WNK1: variants seen among roughly 807,000 people sequenced by gnomAD.
The protein encoded by WNK1 is WNK lysine deficient protein kinase 1.
WNK1 carries 38 observed loss-of-function variants against 222.8 expected under a neutral mutation model. The observed-to-expected ratio is 0.17, with a 90% CI of 0.13 to 0.22. The LOEUF is 0.22. Ranked by LOEUF, WNK1 falls within the 10% of genes least tolerant of loss-of-function variation. The pLI is 1.00. For missense variants in WNK1, 2,348 were observed against 2,918.4 expected (o/e 0.80, Z 4.50); for synonymous variants, 1,090 against 1,092.9 (o/e 1.00, Z 0.05).
rs1168336862 is a variant in WNK1 at position 896,928 on chromosome 12, ACACACACACACG to A, written c.6245+197_6245+208del. ...CACACACACACACACACACACACAC[ACACACACACACG>A]ATTCCCAACCACTGACTCACAGGCA... On this transcript the variant is annotated intron_variant, in intron 24 of 27. Transcript: ENST00000315939. Among the ~76,000 whole-genome samples, 430 of 86,672 alleles carry A rather than the reference ACACACACACACG, an allele frequency of 5.0e-3. 8 individuals carry two copies. Among genetic ancestry groups the A allele is most frequent in the African/African-American group, 0.018 (409 of 23,040 alleles). The allele number at this position is 86,672 out of a possible 152,430, so 56.9% of individuals were successfully genotyped here. A position where few individuals can be genotyped will look rare whatever the true frequency, so the allele number is the denominator to read the frequency against.
chr12:794,917 A>G (rs1945163801), intron 1 of WNK1, among the ~76,000 whole-genome samples: 1 of 151,936 alleles, frequency 6.6e-6, no homozygotes, highest in South Asian at 2.1e-4. Context: ...GTGCCTGGCT[A>G]ATTTTTTTAA....
intron 14 of WNK1, 121 bp downstream of exon 14, chr12:882,194 A>G (rs1331128500): frequency 8.3e-7 from 1 of 1,202,974 alleles, no homozygotes; most frequent in East Asian, 2.6e-5. Context: ...TCTGTGTGTG[A>G]CAGATAATTT....
chr12:767,790 AAG>A (rs1430897220), intron 1 of WNK1, among the ~76,000 whole-genome samples: 2 of 152,068 alleles, frequency 1.3e-5, no homozygotes, highest in African/African-American at 4.8e-5. Context: ...TGTTTACCAG[AAG>A]AGTTTTTGGC....
In WNK1 at chr12:753,910, T is replaced by C; in HGVS notation, c.345T>C (p.Ala115=). The change falls in exon 1 of 28, where the codon GCT becomes GCC. Residue 115 remains alanine, a synonymous_variant. Coordinates refer to ENST00000315939, the MANE Select transcript of WNK1 (RefSeq NM_018979.4). This position sits in a 1 kb window ranked among gnomAD's most constrained non-coding sequence, Gnocchi z 5.2. ...TCCCCGCGGCTGTCCCGCAGAGTGC[T>C]CCACCGGAGCCCCACCGGGAAGAGA... The part of the protein sequence containing the change: ...PSIPAAVPQS[A]PPEPHREETV... 2 of 1,610,166 alleles carry C rather than the reference T, an allele frequency of 1.2e-6. No homozygotes were observed. Among genetic ancestry groups the C allele is most frequent in the Non-Finnish European group, 1.7e-6 (2 of 1,178,834 alleles).
chr12:764,873 T>C (rs1941489316), intron 1 of WNK1, among the ~76,000 whole-genome samples: 1 of 147,662 alleles, frequency 6.8e-6, no homozygotes, highest in South Asian at 2.2e-4. Context: ...TATTTCGCTC[T>C]TGCCACCCAG....
At chr12:851,685 C>T (rs1950430826) in intron 4 of WNK1, 1 of 1,323,336 alleles carries the variant, frequency 7.6e-7, no homozygotes, top group South Asian at 1.2e-5. Context: ...TCTGTTTTGC[C>T]TTTTCTGATG....
intron 9 of WNK1, among the ~76,000 whole-genome samples, chr12:872,100 A>G (rs1370770371): frequency 6.6e-6 from 1 of 152,060 alleles, no homozygotes; most frequent in African/African-American, 2.4e-5. Flanking sequence ...ACCTAAGAAC[A>G]ATTACTTCAA....
intron 2 of WNK1, among the ~76,000 whole-genome samples, chr12:824,216 CTTTT>C (rs1207566592): frequency 7.9e-6 from 1 of 126,116 alleles, no homozygotes. Flanking sequence ...GCAGAGACAT[CTTTT>C]TTTTTTTTTT....
intron 23 of WNK1, among the ~76,000 whole-genome samples, chr12:894,955 T>C (rs1449384312): frequency 6.6e-6 from 1 of 152,242 alleles, no homozygotes; most frequent in African/African-American, 2.4e-5. Flanking sequence ...CCATTTCTCC[T>C]GTTCCAAATG....
intron 8 of WNK1, chr12:865,009 G>A (rs1269645573): frequency 2.2e-6 from 3 of 1,394,548 alleles, no homozygotes; most frequent in Non-Finnish European, 2.8e-6. Flanking sequence ...GGAGAGGATG[G>A]AACATTTCTT....
At chr12:844,151 A>G (rs1001584145) in intron 4 of WNK1, among the ~76,000 whole-genome samples, 2 of 148,940 alleles carry the variant, frequency 1.3e-5, no homozygotes, top group African/African-American at 2.5e-5. Context: ...TTTTTTTTTG[A>G]GACGGGGTCT....
chr12:851,842 G>T, intron 4 of WNK1: 1 of 1,217,430 alleles, frequency 8.2e-7, no homozygotes, highest in Non-Finnish European at 1.1e-6. Flanking sequence ...GGTGATATTG[G>T]TAGAAAGTTT....
chr12:878,254 C>G lies in WNK1; in HGVS notation c.2266C>G (p.Gln756Glu), dbSNP rs768622577. The part of the protein sequence containing the change: ...QQTAPPQQTV[Q>E]YSLSQTSTSS... ...GACAGCCCCTCCTCAACAGACAGTG[C>G]AGTATTCACTTTCACAGACATCAAC... Residue 756 changes from glutamine (Q) to glutamate (E), a missense_variant, in exon 10 of 28, where the codon CAG becomes GAG. Around this residue, in one of 13 missense-constraint regions of WNK1, gnomAD observed 547 missense variants for 558.3 expected, o/e 0.98. Transcript: ENST00000315939. The G allele has an allele frequency of 3.5e-5, 57 of 1,614,030 alleles. No individual in the cohort carries two copies. Among genetic ancestry groups the G allele is most frequent in the Non-Finnish European group, 5.1e-6 (6 of 1,180,026 alleles).
At chr12:795,433 C>T (rs180741049) in intron 1 of WNK1, among the ~76,000 whole-genome samples, 3 of 151,824 alleles carry the variant, frequency 2.0e-5, no homozygotes, top group Admixed American at 6.6e-5. Context: ...TCATGGGGGC[C>T]GTTTCCTCCA....
chr12:897,483 C>T lies in WNK1; in HGVS notation c.6250C>T (p.Leu2084Phe). Residue 2084 changes from leucine (L) to phenylalanine (F), a missense_variant, in exon 25 of 28, where the codon CTC becomes TTC. Coordinates refer to ENST00000315939, the MANE Select transcript of WNK1 (RefSeq NM_018979.4). ...LELRRLRDKH[L>F]KEIQDLQSRQ... Reference sequence around the variant, plus strand: ...ATGTTTGGTTATCTTTCACAGACATCTCAAAGAGATTCAGGACCTGCAGAG... The same window carrying T: ...ATGTTTGGTTATCTTTCACAGACATTTCAAAGAGATTCAGGACCTGCAGAG... 1 of 1,583,562 alleles carries T rather than the reference C, an allele frequency of 6.3e-7. No homozygotes were observed. The highest frequency in any genetic ancestry group is 8.7e-7 in the Non-Finnish European group (1 of 1,152,178).
chr12:893,102 T>A (rs1296974749), intron 22 of WNK1, among the ~76,000 whole-genome samples: 1 of 151,992 alleles, frequency 6.6e-6, no homozygotes, highest in Non-Finnish European at 1.5e-5. Flanking sequence ...CAAGAAATTT[T>A]AAAAATTAGC....
rs765206647 is a variant in WNK1, at chr12:859,468, A to C, written c.1620+4A>C. 14 of 1,602,976 alleles carry C rather than the reference A, an allele frequency of 8.7e-6. No individual in the cohort carries two copies. The highest frequency in any genetic ancestry group is 1.2e-5 in the Non-Finnish European group (14 of 1,171,994). On this transcript the variant is annotated splice_donor_region_variant and intron_variant, in intron 6 of 27. Coordinates refer to ENST00000315939, the MANE Select transcript of WNK1 (RefSeq NM_018979.4). ...AGAAGATGTTGCACAAGAAATGGTA[A>C]ATTGACATTAGCCATTTTAAAATTG...
intron 1 of WNK1, among the ~76,000 whole-genome samples, chr12:757,276 A>G (rs1176220538): frequency 7.2e-6 from 1 of 138,192 alleles, no homozygotes; most frequent in African/African-American, 2.7e-5. Flanking sequence ...GAGTCATGCT[A>G]TGCATTGCTC....
intron 6 of WNK1, among the ~76,000 whole-genome samples, chr12:860,786 T>A (rs1951151972): frequency 6.6e-6 from 1 of 152,146 alleles, no homozygotes; most frequent in Admixed American, 6.5e-5. Flanking sequence ...ACCCTTCGAG[T>A]TTCTGCAAAA....
Sources: gnomAD v4.1 joint callset for allele counts (sites outside exome capture counted in the v4.1 genomes callset) on GRCh38, gnomAD v4.1.1 for gene constraint, gnomAD v4.1.1 regional missense constraint, Gnocchi (gnomAD v3.1) non-coding constraint, MANE v1.5 for transcripts, NCBI Gene and HGNC (gene_info 2026-07-23, HGNC 2026-07-21) for gene names.